The following RUNX2 variants were observed in gnomAD, a reference collection of about 807,000 sequenced individuals.
The protein encoded by RUNX2 is runt-related transcription factor 2.
RUNX2 carries 10 observed loss-of-function variants against 51.7 expected under a neutral mutation model. The observed-to-expected ratio is 0.19, with a 90% confidence interval of 0.12 to 0.33. The LOEUF (loss-of-function observed/expected upper bound fraction) is 0.33, where lower values mean the gene tolerates loss of function less well. RUNX2 is among the 10% of genes least tolerant of loss of function. The pLI, the probability that RUNX2 is intolerant of heterozygous loss-of-function variation, is 1.00. For missense variants in RUNX2, 562 were observed against 691.3 expected, an observed-to-expected ratio of 0.81 and a Z score of 2.10; for synonymous variants, 276 against 273.6, an observed-to-expected ratio of 1.01 and a Z score of -0.09.
intron 2 of RUNX2, among the ~76,000 whole-genome samples, chr6:45,418,055 T>C (rs928357234): frequency 2.0e-5 from 3 of 152,244 alleles, no homozygotes; most frequent in Non-Finnish European, 4.4e-5. Flanking sequence ...ATATGAGACA[T>C]TCAAAGCTTT....
intron 5 of RUNX2, among the ~76,000 whole-genome samples, chr6:45,490,707 C>A (rs948759311): frequency 1.3e-5 from 2 of 152,074 alleles, no homozygotes; most frequent in Non-Finnish European, 2.9e-5. Context: ...AAACCTTCTT[C>A]AAGGTTTCTT....
intron 5 of RUNX2, among the ~76,000 whole-genome samples, chr6:45,439,373 G>A (rs1798778325): frequency 6.6e-6 from 1 of 152,194 alleles, no homozygotes; most frequent in Middle Eastern, 3.2e-3. Context: ...AGGGCTAGTG[G>A]TTATGGAGTG....
chr6:45,405,502 T>C (rs551923817), intron 2 of RUNX2, among the ~76,000 whole-genome samples: 3 of 152,290 alleles, frequency 2.0e-5, no homozygotes, highest in East Asian at 3.9e-4. Flanking sequence ...AAATCAACTA[T>C]GGTAGGCTGG....
At chr6:45,382,954 G>A (rs1266196287) in intron 2 of RUNX2, among the ~76,000 whole-genome samples, 1 of 152,116 alleles carries the variant, frequency 6.6e-6, no homozygotes, top group African/African-American at 2.4e-5. Context: ...GAGAAAGAGA[G>A]GAATGAAGGA....
chr6:45,333,509 G>T (rs1202645584), intron 2 of RUNX2, among the ~76,000 whole-genome samples: 1 of 151,508 alleles, frequency 6.6e-6, no homozygotes, highest in Non-Finnish European at 1.5e-5. Context: ...GAACAGTGTT[G>T]AGTGGATGTA....
chr6:45,544,616 T>C (rs1017820033), intron 7 of RUNX2, among the ~76,000 whole-genome samples: 2 of 152,268 alleles, frequency 1.3e-5, no homozygotes, highest in Non-Finnish European at 2.9e-5. Context: ...GACTTCTTTC[T>C]GATACACGCT....
intron 2 of RUNX2, among the ~76,000 whole-genome samples, chr6:45,368,929 AT>A (rs1411298430): frequency 5.3e-5 from 8 of 152,176 alleles, no homozygotes; most frequent in Admixed American, 2.0e-4. Context: ...GTTTAAAAAA[AT>A]AATCAGGTTA....
chr6:45,337,165 G>A (rs1300608331), intron 2 of RUNX2, among the ~76,000 whole-genome samples: 1 of 151,612 alleles, frequency 6.6e-6, no homozygotes, highest in Admixed American at 6.6e-5. Context: ...CATATGAACA[G>A]AACAACATGC....
chr6:45,510,025 G>A (rs1801095519), intron 6 of RUNX2, among the ~76,000 whole-genome samples: 1 of 152,164 alleles, frequency 6.6e-6, no homozygotes, highest in South Asian at 2.1e-4. Context: ...TTGCGAGACT[G>A]CTTTCCTGTG....
intron 6 of RUNX2, among the ~76,000 whole-genome samples, chr6:45,496,307 T>C (rs1800646323): frequency 1.3e-5 from 2 of 152,176 alleles, no homozygotes; most frequent in African/African-American, 4.8e-5. Flanking sequence ...TATTCTGTTT[T>C]TCACTCATTC....
At chr6:45,483,090 A>G (rs1477907622) in intron 5 of RUNX2, among the ~76,000 whole-genome samples, 1 of 152,186 alleles carries the variant, frequency 6.6e-6, no homozygotes, top group Non-Finnish European at 1.5e-5. Context: ...GAAGCCACAC[A>G]CTAACATTGT....
At chr6:45,528,004 G>A (rs1443396892) in intron 7 of RUNX2, among the ~76,000 whole-genome samples, 1 of 152,192 alleles carries the variant, frequency 6.6e-6, no homozygotes, top group Non-Finnish European at 1.5e-5. Context: ...CCTCAATCAT[G>A]GCAAAACGCG....
chr6:45,356,035 G>A (rs1793100036), intron 2 of RUNX2, among the ~76,000 whole-genome samples: 1 of 152,122 alleles, frequency 6.6e-6, no homozygotes. Flanking sequence ...GTTGTTTTAA[G>A]ACACAGAAAC....
At position 45,547,683 on chromosome 6, in the gene RUNX2, C is replaced by T. The variant is rs1358047478; in HGVS notation, c.*378C>T. 1.6e-5 allele frequency: 5 copies of T among 307,246 alleles called. No individual in the cohort carries two copies. Among genetic ancestry groups the T allele is most frequent in the South Asian group, 3.0e-5 (1 of 33,084 alleles). 19.0% of individuals were successfully genotyped at this position (307,246 alleles called of 1,614,324 possible). A position where few individuals can be genotyped will look rare whatever the true frequency, so the allele number is the denominator to read the frequency against. ...GGTTCAGGAGGGAGAAGAGCAAAGC[C>T]GCTTCCTCTCTGTGCTTTGAAACTT... On this transcript the variant is annotated 3_prime_UTR_variant, in exon 9 of 9. Coordinates refer to ENST00000647337, the MANE Select transcript of RUNX2 (RefSeq NM_001024630.4).
intron 6 of RUNX2, 60 bp downstream of exon 6, chr6:45,492,174 A>G (rs1800501524): frequency 6.5e-7 from 1 of 1,541,478 alleles, no homozygotes; most frequent in Non-Finnish European, 9.0e-7. Context: ...GTGAGGGGCT[A>G]CCAGAGGAGA....
intron 5 of RUNX2, among the ~76,000 whole-genome samples, chr6:45,466,522 A>G (rs902752118): frequency 4.6e-5 from 7 of 152,124 alleles, no homozygotes; most frequent in Non-Finnish European, 1.0e-4. Flanking sequence ...CCAGGCTACA[A>G]TACAGCTCCC....
chr6:45,421,144 C>G (rs1371532620), intron 2 of RUNX2: 2 of 152,132 alleles, frequency 1.3e-5, no homozygotes, highest in Admixed American at 1.3e-4. Context: ...AGACACGAAA[C>G]TTAGTCTTAG....
At chr6:45,410,244 G>T (rs935871381) in intron 2 of RUNX2, among the ~76,000 whole-genome samples, 1 of 152,210 alleles carries the variant, frequency 6.6e-6, no homozygotes, top group African/African-American at 2.4e-5. Context: ...GACTGGGATT[G>T]AGATGGGCAT....
At chr6:45,507,338 A>G (rs1181771850) in intron 6 of RUNX2, among the ~76,000 whole-genome samples, 1 of 152,130 alleles carries the variant, frequency 6.6e-6, no homozygotes, top group Admixed American at 6.5e-5. Flanking sequence ...TCCTATTAGT[A>G]ACTTTAGGAT....
Sources: gnomAD v4.1 joint callset for allele counts (sites outside exome capture counted in the v4.1 genomes callset) on GRCh38, gnomAD v4.1.1 for gene constraint, MANE v1.5 for transcripts, NCBI Gene and HGNC (gene_info 2026-07-23, HGNC 2026-07-21) for gene names.